Variants in CLSTN2 observed in about 807,000 individuals in gnomAD.
CLSTN2 encodes calsyntenin-2.
A neutral mutation model predicts 101.2 loss-of-function variants in CLSTN2; 48 were observed. The observed-to-expected ratio is 0.47, with a 90% confidence interval of 0.38 to 0.60. CLSTN2 has a LOEUF of 0.60. Ranked by LOEUF, CLSTN2 falls within the 20% of genes least tolerant of loss-of-function variation. The pLI is 0.00. For missense variants in CLSTN2, 1,160 were observed against 1,238.2 expected (o/e 0.94, Z 0.95); for synonymous variants, 481 against 463.6 (o/e 1.04, Z -0.48).
intron 1 of CLSTN2, among the ~76,000 whole-genome samples, chr3:139,983,035 C>T (rs1158496934): frequency 6.6e-6 from 1 of 151,274 alleles, no homozygotes; most frequent in East Asian, 1.9e-4. Context: ...ATGATCAGTA[C>T]TTCAAAGCAG....
At chr3:140,319,468 G>A (rs1462002563) in intron 2 of CLSTN2, among the ~76,000 whole-genome samples, 1 of 152,200 alleles carries the variant, frequency 6.6e-6, no homozygotes, top group Non-Finnish European at 1.5e-5. Flanking sequence ...GTCTGTCTGA[G>A]CCATGGTCAT....
At chr3:140,424,995 A>T (rs1363782263) in intron 5 of CLSTN2, among the ~76,000 whole-genome samples, 1 of 152,150 alleles carries the variant, frequency 6.6e-6, no homozygotes, top group Non-Finnish European at 1.5e-5. Flanking sequence ...AATTCCACTT[A>T]ATTCTCTGGG....
chr3:140,057,760 C>T (rs1426056), intron 1 of CLSTN2, among the ~76,000 whole-genome samples: 13,431 of 152,112 alleles, frequency 0.088, 1,188 homozygotes, highest in African/African-American at 0.22. Flanking sequence ...ATTATCACTG[C>T]GGCTATAAGC....
At chr3:140,252,320 A>G (rs978257567) in intron 2 of CLSTN2, among the ~76,000 whole-genome samples, 2 of 152,156 alleles carry the variant, frequency 1.3e-5, no homozygotes, top group Non-Finnish European at 2.9e-5. Flanking sequence ...GATTTTGAGC[A>G]GCCCTCCCTC....
chr3:140,241,010 T>C (rs958016000), intron 2 of CLSTN2, among the ~76,000 whole-genome samples: 1 of 152,144 alleles, frequency 6.6e-6, no homozygotes, highest in Non-Finnish European at 1.5e-5. Flanking sequence ...ACTGTAACTG[T>C]TGACAAGGTG....
At chr3:140,024,194 A>G (rs2007374139) in intron 1 of CLSTN2, among the ~76,000 whole-genome samples, 1 of 152,216 alleles carries the variant, frequency 6.6e-6, no homozygotes, top group Non-Finnish European at 1.5e-5. Context: ...TTCCTGAGGC[A>G]TCTTTAGCCC....
chr3:140,318,552 A>AATC (rs1202485807), intron 2 of CLSTN2, among the ~76,000 whole-genome samples: 1 of 152,224 alleles, frequency 6.6e-6, no homozygotes, highest in Non-Finnish European at 1.5e-5. Flanking sequence ...CTCAGGCTGT[A>AATC]ACCTAAACAT....
chr3:140,548,964 T>G (rs1349445883), intron 10 of CLSTN2, among the ~76,000 whole-genome samples: 1 of 148,838 alleles, frequency 6.7e-6, no homozygotes, highest in Admixed American at 6.7e-5. Context: ...TTTCATGGAT[T>G]AGATACACAC....
At chr3:140,425,638 C>T (rs755677690) in intron 5 of CLSTN2, among the ~76,000 whole-genome samples, 4 of 152,194 alleles carry the variant, frequency 2.6e-5, no homozygotes, top group Non-Finnish European at 5.9e-5. Flanking sequence ...TGTTTGCTAG[C>T]ATCACTCACC....
At chr3:140,421,925 C>T (rs79990321) in intron 5 of CLSTN2, among the ~76,000 whole-genome samples, 4,287 of 152,216 alleles carry the variant, frequency 0.028, 178 homozygotes, top group African/African-American at 0.096. Flanking sequence ...ATGGACCTTA[C>T]AGAGATTTGA....
intron 2 of CLSTN2, 131 bp from the exon 3 acceptor site, chr3:140,403,498 C>T (rs145972974): frequency 1.1e-5 from 8 of 760,344 alleles, no homozygotes; most frequent in Admixed American, 4.7e-5. Context: ...GCTGCTGGCT[C>T]GTGGACCACA....
chr3:140,030,266 C>T, intron 1 of CLSTN2, among the ~76,000 whole-genome samples: 1 of 152,078 alleles, frequency 6.6e-6, no homozygotes. Flanking sequence ...GATATTATTC[C>T]CCTTATGAAC....
chr3:140,516,933 C>G (rs903402830), intron 8 of CLSTN2, among the ~76,000 whole-genome samples: 4 of 152,164 alleles, frequency 2.6e-5, no homozygotes, highest in Non-Finnish European at 5.9e-5. Flanking sequence ...GTTTTCCAAA[C>G]TTTTAGATTT....
intron 5 of CLSTN2, among the ~76,000 whole-genome samples, chr3:140,425,675 G>T (rs974708739): frequency 1.3e-5 from 2 of 152,206 alleles, no homozygotes; most frequent in African/African-American, 4.8e-5. Flanking sequence ...CTTATCAAGG[G>T]TTTAGCTTAC....
chr3:140,407,167 T>C (rs887510156), intron 4 of CLSTN2, among the ~76,000 whole-genome samples: 8 of 152,184 alleles, frequency 5.3e-5, no homozygotes, highest in South Asian at 2.1e-4. Flanking sequence ...AGCTTCCCAA[T>C]TGGCCCTTAT....
intron 2 of CLSTN2, among the ~76,000 whole-genome samples, chr3:140,308,689 A>G (rs945306568): frequency 1.3e-5 from 2 of 152,238 alleles, no homozygotes; most frequent in Non-Finnish European, 2.9e-5. Flanking sequence ...GGATGTTGAC[A>G]GTGTTGACAG....
At chr3:139,983,130 A>G (rs930661106) in intron 1 of CLSTN2, among the ~76,000 whole-genome samples, 5 of 151,770 alleles carry the variant, frequency 3.3e-5, no homozygotes, top group Admixed American at 2.6e-4. Context: ...CTAATCTGGT[A>G]TTTTTTGTCT....
intron 2 of CLSTN2, among the ~76,000 whole-genome samples, chr3:140,335,456 C>CAA (rs36037134): frequency 0.018 from 2,521 of 141,872 alleles, 59 homozygotes; most frequent in African/African-American, 0.06. Context: ...TGTGAAAGGC[C>CAA]AAAAAAAAAA....
chr3:140,059,141 A>C (rs2008153123), intron 1 of CLSTN2, among the ~76,000 whole-genome samples: 1 of 152,248 alleles, frequency 6.6e-6, no homozygotes, highest in Non-Finnish European at 1.5e-5. Context: ...AAATGTACCT[A>C]ACCTCACTGT....
Sources: allele counts gnomAD v4.1 joint callset (sites outside exome capture counted in the v4.1 genomes callset), GRCh38; gene constraint gnomAD v4.1.1; transcripts MANE v1.5; gene names NCBI Gene and HGNC (gene_info 2026-07-23, HGNC 2026-07-21).